GADL1: variants seen among roughly 807,000 people sequenced by gnomAD.
GADL1 encodes the protein acidic amino acid decarboxylase GADL1.
GADL1 carries 71 observed loss-of-function variants against 69.5 expected under a neutral mutation model. That is an observed-to-expected ratio of 1.02 (90% confidence interval 0.84 to 1.25). The LOEUF is 1.25. GADL1 is among the 50% of genes most tolerant of loss of function. GADL1 has a pLI of 0.00. For missense variants in GADL1, 737 were observed against 631.8 expected (o/e 1.17, Z -1.79); for synonymous variants, 254 against 214.4 (o/e 1.18, Z -1.62).
intron 14 of GADL1, among the ~76,000 whole-genome samples, chr3:30,757,533 G>A (rs1033903438): frequency 2.6e-5 from 4 of 152,188 alleles, no homozygotes; most frequent in African/African-American, 9.7e-5. Flanking sequence ...TAAAGCTAAT[G>A]TAATGCTATT....
intron 2 of GADL1, among the ~76,000 whole-genome samples, chr3:30,858,390 G>C (rs1698260765): frequency 6.6e-6 from 1 of 151,994 alleles, no homozygotes; most frequent in Non-Finnish European, 1.5e-5. Flanking sequence ...TTATGTGGAG[G>C]TTCCCAATAA....
chr3:30,848,780 T>C (rs1295415058), intron 6 of GADL1, among the ~76,000 whole-genome samples: 3 of 152,336 alleles, frequency 2.0e-5, no homozygotes, highest in African/African-American at 4.8e-5. Context: ...AAATCTATTA[T>C]ATCCCAGATG....
intron 6 of GADL1, among the ~76,000 whole-genome samples, chr3:30,847,110 T>C (rs542890820): frequency 6.6e-6 from 1 of 152,298 alleles, no homozygotes; most frequent in African/African-American, 2.4e-5. Flanking sequence ...CCCAAGAAAT[T>C]TATATCAAAG....
intron 14 of GADL1, among the ~76,000 whole-genome samples, chr3:30,759,090 A>T (rs571909499): frequency 1.3e-5 from 2 of 152,044 alleles, no homozygotes; most frequent in African/African-American, 4.8e-5. Context: ...TCCAGTGCAG[A>T]TCACGATGGA....
In GADL1 at chr3:30,778,229, T is replaced by A. The variant is rs1409940078; in HGVS notation, c.1342A>T (p.Ser448Cys). Reference sequence around the variant, plus strand: ...GGTCCTTCTTCCATCTCTCTGAGGCTCGGTGGAATGTACCAAAAGCAAATA... The same window carrying A: ...GGTCCTTCTTCCATCTCTCTGAGGCACGGTGGAATGTACCAAAAGCAAATA... ...ANICFWYIPPSLREMEEGPEF... is the reference protein window; with the variant it reads ...ANICFWYIPPCLREMEEGPEF... The change falls in exon 14 of 15, where the codon AGC becomes TGC. Residue 448 changes from serine (S) to cysteine (C), a missense_variant. Ser to Cys is a moderately radical substitution (Grantham distance 112). Transcript: ENST00000282538. 6.2e-7 allele frequency: 1 copy of A among 1,612,886 alleles called. No individual in the cohort carries two copies. Among genetic ancestry groups the A allele is most frequent in the Non-Finnish European group, 8.5e-7 (1 of 1,178,960 alleles).
chr3:30,779,820 G>A (rs1422114965), intron 13 of GADL1, among the ~76,000 whole-genome samples: 1 of 152,118 alleles, frequency 6.6e-6, no homozygotes, highest in Non-Finnish European at 1.5e-5. Context: ...TAATGTAGGT[G>A]GACTCTGCAG....
intron 11 of GADL1, among the ~76,000 whole-genome samples, chr3:30,825,100 G>GC (rs1231227736): frequency 2.6e-5 from 4 of 151,844 alleles, no homozygotes; most frequent in African/African-American, 9.7e-5. Context: ...TGTTTGCTGT[G>GC]CAAGGGTACA....
At chr3:30,877,449 T>C (rs1373973382) in intron 1 of GADL1, among the ~76,000 whole-genome samples, 1 of 151,954 alleles carries the variant, frequency 6.6e-6, no homozygotes, top group Non-Finnish European at 1.5e-5. Context: ...GGGAATCCAA[T>C]TTTTCATAAG....
chr3:30,779,090 G>T (rs886158231), intron 13 of GADL1: 2 of 152,138 alleles, frequency 1.3e-5, no homozygotes, highest in African/African-American at 4.8e-5. Context: ...CTTAAACATG[G>T]GACTGTATTG....
rs1248809018 is a variant in GADL1 at position 30,727,422 on chromosome 3, G to GTGTATATA, written c.*819_*820insTATATACA. 1 of 143,588 alleles carries GTGTATATA rather than the reference G, an allele frequency of 7.0e-6. No homozygotes were observed. Among genetic ancestry groups the GTGTATATA allele is most frequent in the East Asian group, 2.1e-4 (1 of 4,872 alleles). The allele number at this position is 143,588 out of a possible 1,614,324, so 8.9% of individuals were successfully genotyped here. A position where few individuals can be genotyped will look rare whatever the true frequency, so the allele number is the denominator to read the frequency against. ...TATATATATATATATGTGTGTGTGT[G>GTGTATATA]TATATATATATATATATATAATTTT... On this transcript the variant is annotated 3_prime_UTR_variant, in exon 15 of 15. Transcript: ENST00000282538.
At chr3:30,886,742 T>C (rs1476951175) in intron 1 of GADL1, among the ~76,000 whole-genome samples, 1 of 152,186 alleles carries the variant, frequency 6.6e-6, no homozygotes, top group African/African-American at 2.4e-5. Flanking sequence ...CCAGCCTGAA[T>C]GGAGCTTCTG....
intron 1 of GADL1, among the ~76,000 whole-genome samples, chr3:30,886,050 C>G (rs770345072): frequency 2.0e-4 from 31 of 152,058 alleles, no homozygotes; most frequent in Non-Finnish European, 3.2e-4. Flanking sequence ...TCTAAATACA[C>G]ATCAACAAAA....
In GADL1 at chr3:30,727,480, G is replaced by T. The variant is rs1342955510; in HGVS notation, c.*762C>A. 6.6e-6 allele frequency: 1 copy of T among 150,628 alleles called. No individual in the cohort carries two copies. 9.3% of individuals were successfully genotyped at this position (150,628 alleles called of 1,614,324 possible). ...GAGAATGGATAATTTTAACTTTTGA[G>T]ATAAACATTCAGCCTGCATAAAACA... On this transcript the variant is annotated 3_prime_UTR_variant, in exon 15 of 15. Coordinates refer to ENST00000282538, the MANE Select transcript of GADL1 (RefSeq NM_207359.3).
At chr3:30,742,550 A>T (rs2125473673) in intron 14 of GADL1, among the ~76,000 whole-genome samples, 1 of 152,222 alleles carries the variant, frequency 6.6e-6, no homozygotes, top group East Asian at 1.9e-4. Flanking sequence ...CAATCACACA[A>T]TTTAAAATGA....
At chr3:30,794,319 A>AC (rs1216173334) in intron 12 of GADL1, among the ~76,000 whole-genome samples, 3 of 152,074 alleles carry the variant, frequency 2.0e-5, no homozygotes, top group Non-Finnish European at 4.4e-5. Flanking sequence ...AAAGACTTAG[A>AC]CATGACTCTT....
At chr3:30,849,184 C>T (rs947119165) in intron 6 of GADL1, among the ~76,000 whole-genome samples, 6 of 152,078 alleles carry the variant, frequency 3.9e-5, no homozygotes, top group Admixed American at 2.6e-4. Context: ...CTGAGCCACT[C>T]GTAGATGGGC....
chr3:30,787,856 T>C (rs1002934032), intron 12 of GADL1, among the ~76,000 whole-genome samples: 2 of 152,176 alleles, frequency 1.3e-5, no homozygotes, highest in East Asian at 3.8e-4. Context: ...AGGAAGGCCA[T>C]TCTATAATGT....
intron 12 of GADL1, among the ~76,000 whole-genome samples, chr3:30,793,149 C>A (rs544717714): frequency 1.3e-5 from 2 of 152,274 alleles, no homozygotes; most frequent in South Asian, 4.1e-4. Context: ...GAGGGATGAT[C>A]TATTAAGATC....
chr3:30,782,630 A>AAG (rs1005278548), intron 13 of GADL1, among the ~76,000 whole-genome samples: 47 of 152,306 alleles, frequency 3.1e-4, no homozygotes, highest in African/African-American at 1.1e-3. Context: ...AAGACATACA[A>AAG]AGAGGCTATT....
Sources: allele counts gnomAD v4.1 joint callset (sites outside exome capture counted in the v4.1 genomes callset), GRCh38; gene constraint gnomAD v4.1.1; transcripts MANE v1.5; gene names NCBI Gene and HGNC (gene_info 2026-07-23, HGNC 2026-07-21).